Variants in ERBB4 observed in about 807,000 individuals in gnomAD.
The protein encoded by ERBB4 is receptor tyrosine-protein kinase erbB-4.
ERBB4 carries 42 observed loss-of-function variants against 158.0 expected under a neutral mutation model. The ratio of observed to expected loss-of-function variants is 0.27; its 90% CI spans 0.21 to 0.34. The LOEUF is 0.34. Ranked by LOEUF, ERBB4 falls within the 10% of genes least tolerant of loss-of-function variation. The probability of loss-of-function intolerance (pLI) is 1.00; values close to 1 mark genes in which losing one functional copy is unlikely to be tolerated. For synonymous variants in ERBB4, 583 were observed against 558.7 expected (o/e 1.04, Z -0.61); for missense variants, 1,333 against 1,624.1 (o/e 0.82, Z 3.08).
At chr2:211,962,956 C>T (rs1028750359) in intron 2 of ERBB4, among the ~76,000 whole-genome samples, 5 of 152,114 alleles carry the variant, frequency 3.3e-5, no homozygotes, top group African/African-American at 1.2e-4. Flanking sequence ...TTTTAAATGA[C>T]ATTAATATCT....
intron 1 of ERBB4, among the ~76,000 whole-genome samples, chr2:212,488,744 A>T (rs1419907428): frequency 6.6e-6 from 1 of 151,704 alleles, no homozygotes; most frequent in Non-Finnish European, 1.5e-5. Context: ...GCTTATAATT[A>T]CCCCATTGTT....
intron 2 of ERBB4, among the ~76,000 whole-genome samples, chr2:212,067,477 T>C (rs538659792): frequency 6.6e-6 from 1 of 152,156 alleles, no homozygotes; most frequent in East Asian, 1.9e-4. Context: ...TCTAATTTTG[T>C]CCAATATCTG....
intron 22 of ERBB4, among the ~76,000 whole-genome samples, chr2:211,425,854 C>T (rs4673617): frequency 0.26 from 39,138 of 151,542 alleles, 5,407 homozygotes; most frequent in South Asian, 0.53. Flanking sequence ...GGCTGATTTT[C>T]GTATTTTTTA....
intron 1 of ERBB4, among the ~76,000 whole-genome samples, chr2:212,511,937 A>C (rs1691544895): frequency 6.6e-6 from 1 of 152,200 alleles, no homozygotes; most frequent in East Asian, 1.9e-4. Flanking sequence ...ATGCAGACAT[A>C]ATGATCTTTA....
chr2:211,683,007 TTATTTC>T (rs1308958272), intron 12 of ERBB4, among the ~76,000 whole-genome samples: 1 of 151,780 alleles, frequency 6.6e-6, no homozygotes, highest in Non-Finnish European at 1.5e-5. Flanking sequence ...TGATTTTATT[TTATTTC>T]TATTTATGTT....
chr2:212,180,273 G>A (rs2081816261), intron 1 of ERBB4, among the ~76,000 whole-genome samples: 1 of 151,610 alleles, frequency 6.6e-6, no homozygotes, highest in Non-Finnish European at 1.5e-5. Context: ...CTAAATACAT[G>A]TGATATCCTG....
At chr2:212,181,295 A>T (rs1230137004) in intron 1 of ERBB4, among the ~76,000 whole-genome samples, 1 of 151,564 alleles carries the variant, frequency 6.6e-6, no homozygotes, top group African/African-American at 2.4e-5. Context: ...CATCACAGAG[A>T]TTTTTTGTTG....
intron 16 of ERBB4, among the ~76,000 whole-genome samples, chr2:211,633,881 C>T (rs894572912): frequency 5.9e-5 from 9 of 152,046 alleles, no homozygotes; most frequent in Admixed American, 3.9e-4. Flanking sequence ...AACTTGAGGC[C>T]GGGCCAGTGG....
At chr2:211,634,718 C>T (rs573874548) in intron 16 of ERBB4, among the ~76,000 whole-genome samples, 53 of 152,118 alleles carry the variant, frequency 3.5e-4, no homozygotes, top group Admixed American at 3.2e-3. Flanking sequence ...TCTGTTGTTG[C>T]CCAGGCTGGA....
At chr2:212,333,759 A>G (rs2088297277) in intron 1 of ERBB4, among the ~76,000 whole-genome samples, 2 of 151,802 alleles carry the variant, frequency 1.3e-5, no homozygotes, top group South Asian at 4.1e-4. Flanking sequence ...GTTTGCAGGG[A>G]TGGAGGAAAA....
chr2:211,430,100 C>G (rs1312657658), intron 21 of ERBB4, among the ~76,000 whole-genome samples: 3 of 151,806 alleles, frequency 2.0e-5, no homozygotes, highest in African/African-American at 7.3e-5. Flanking sequence ...CCTATCATTG[C>G]AAAATATTTA....
chr2:212,107,975 G>C (rs574891752), intron 2 of ERBB4, among the ~76,000 whole-genome samples: 8 of 151,888 alleles, frequency 5.3e-5, no homozygotes, highest in Admixed American at 6.6e-5. Context: ...ACACAGTCTC[G>C]GGTTTGTCTT....
At chr2:212,339,089 T>C (rs2088580906) in intron 1 of ERBB4, among the ~76,000 whole-genome samples, 1 of 152,146 alleles carries the variant, frequency 6.6e-6, no homozygotes. Flanking sequence ...CATGGTGGTT[T>C]GCTGCACCTG....
intron 3 of ERBB4, among the ~76,000 whole-genome samples, chr2:211,882,929 A>G (rs571195600): frequency 6.6e-6 from 1 of 152,296 alleles, no homozygotes; most frequent in South Asian, 2.1e-4. Context: ...CTGATCAGAC[A>G]CTTTCTACCT....
At chr2:211,624,428 CA>C (rs2069758063) in intron 17 of ERBB4, among the ~76,000 whole-genome samples, 1 of 152,086 alleles carries the variant, frequency 6.6e-6, no homozygotes. Flanking sequence ...CGCACAATGC[CA>C]AAACCCTAGG....
At chr2:211,767,366 G>A (rs2075577377) in intron 4 of ERBB4, among the ~76,000 whole-genome samples, 1 of 152,016 alleles carries the variant, frequency 6.6e-6, no homozygotes, top group African/African-American at 2.4e-5. Flanking sequence ...TACAATCAGG[G>A]TTTTATGTTA....
intron 3 of ERBB4, among the ~76,000 whole-genome samples, chr2:211,816,410 A>G (rs984300810): frequency 1.3e-4 from 19 of 151,496 alleles, no homozygotes; most frequent in Admixed American, 3.3e-4. Context: ...ATGTGGTGTC[A>G]CACGCCTGTA....
intron 20 of ERBB4, among the ~76,000 whole-genome samples, chr2:211,462,286 C>A (rs915214173): frequency 1.3e-5 from 2 of 152,012 alleles, no homozygotes; most frequent in Non-Finnish European, 2.9e-5. Context: ...GGGATACCTG[C>A]CCCCATGATC....
At chr2:212,233,712 T>C (rs1402496630) in intron 1 of ERBB4, among the ~76,000 whole-genome samples, 1 of 152,062 alleles carries the variant, frequency 6.6e-6, no homozygotes, top group East Asian at 1.9e-4. Context: ...TGTTCTATAA[T>C]ATGTTGGTTT....
Sources: gnomAD v4.1 joint callset for allele counts (sites outside exome capture counted in the v4.1 genomes callset) on GRCh38, gnomAD v4.1.1 for gene constraint, MANE v1.5 for transcripts, NCBI Gene and HGNC (gene_info 2026-07-23, HGNC 2026-07-21) for gene names.